The following CSTPP1 variants were observed in gnomAD, a reference collection of about 807,000 sequenced individuals.
CSTPP1 encodes the protein centriolar satellite-associated tubulin polyglutamylase complex regulator 1.
the CSTPP1 span, among the ~76,000 whole-genome samples, chr11:47,150,692 G>A: frequency 1.3e-5 from 2 of 151,936 alleles, no homozygotes; most frequent in African/African-American, 2.4e-5. Flanking sequence ...AGAAGGGACA[G>A]GGAGCATTAT....
the CSTPP1 span, chr11:47,137,474 G>T: frequency 6.7e-7 from 1 of 1,500,954 alleles, no homozygotes; most frequent in Non-Finnish European, 8.8e-7. Context: ...TAGAAATACT[G>T]ATCTTAAAAT....
the CSTPP1 span, among the ~76,000 whole-genome samples, chr11:47,005,736 C>A: frequency 6.6e-6 from 1 of 152,098 alleles, no homozygotes; most frequent in African/African-American, 2.4e-5. Context: ...AGATTGCTTA[C>A]CTCATCTATA....
chr11:47,115,734 C>G, the CSTPP1 span, among the ~76,000 whole-genome samples: 3 of 149,966 alleles, frequency 2.0e-5, no homozygotes, highest in Non-Finnish European at 3.0e-5. Flanking sequence ...AGCGGTCTAT[C>G]AATTTTGTTG....
chr11:47,122,218 G>A, the CSTPP1 span, among the ~76,000 whole-genome samples: 4 of 149,868 alleles, frequency 2.7e-5, no homozygotes, highest in Non-Finnish European at 5.9e-5. Flanking sequence ...ATTTGAAGGG[G>A]TTTATAACCT....
At chr11:47,129,664 A>G in the CSTPP1 span, among the ~76,000 whole-genome samples, 2 of 152,178 alleles carry the variant, frequency 1.3e-5, no homozygotes, top group East Asian at 3.9e-4. Context: ...GGTTTAAGCC[A>G]CCAGTGGTGG....
At chr11:47,158,385 G>A in the CSTPP1 span, among the ~76,000 whole-genome samples, 1 of 151,890 alleles carries the variant, frequency 6.6e-6, no homozygotes, top group Non-Finnish European at 1.5e-5. Context: ...AAAAACAAAA[G>A]TAGGGGAAGT....
chr11:47,074,162 C>T, the CSTPP1 span, among the ~76,000 whole-genome samples: 1 of 152,082 alleles, frequency 6.6e-6, no homozygotes, highest in Admixed American at 6.6e-5. Context: ...TGAGATTGCG[C>T]CACTGCACTC....
At chr11:47,161,572 T>A in the CSTPP1 span, 2 of 1,614,090 alleles carry the variant, frequency 1.2e-6, no homozygotes, top group South Asian at 2.2e-5. Flanking sequence ...GACCTCTCCA[T>A]CATTCCCGAA....
At chr11:47,030,266 C>T in the CSTPP1 span, among the ~76,000 whole-genome samples, 1 of 152,186 alleles carries the variant, frequency 6.6e-6, no homozygotes, top group Non-Finnish European at 1.5e-5. Flanking sequence ...TAGGAAGACT[C>T]AACTGCCATC....
At chr11:47,152,434 A>C in the CSTPP1 span, among the ~76,000 whole-genome samples, 1 of 152,132 alleles carries the variant, frequency 6.6e-6, no homozygotes, top group Admixed American at 6.5e-5. Context: ...CTGAGGCTGG[A>C]AGGGTGTGCC....
chr11:47,091,975 G>C, the CSTPP1 span, among the ~76,000 whole-genome samples: 1 of 152,182 alleles, frequency 6.6e-6, no homozygotes, highest in African/African-American at 2.4e-5. Flanking sequence ...AATTTCTGTT[G>C]TTTTAAGCTA....
chr11:46,976,370 T>A, the CSTPP1 span, among the ~76,000 whole-genome samples: 1 of 149,364 alleles, frequency 6.7e-6, no homozygotes, highest in African/African-American at 2.5e-5. Context: ...ATTGTGATAT[T>A]TTCAGAGTAA....
chr11:47,066,617 A>G, the CSTPP1 span, among the ~76,000 whole-genome samples: 3 of 152,256 alleles, frequency 2.0e-5, no homozygotes, highest in Non-Finnish European at 4.4e-5. Flanking sequence ...ACAAATTTAT[A>G]AAGTAGATGA....
the CSTPP1 span, among the ~76,000 whole-genome samples, chr11:46,960,349 T>C: frequency 6.6e-6 from 1 of 152,176 alleles, no homozygotes; most frequent in Non-Finnish European, 1.5e-5. Flanking sequence ...ACTACCACCA[T>C]GATATAATTG....
chr11:47,130,011 C>A, the CSTPP1 span, among the ~76,000 whole-genome samples: 1 of 152,126 alleles, frequency 6.6e-6, no homozygotes, highest in African/African-American at 2.4e-5. Context: ...ATAATCCCAG[C>A]ACTTTGGGAG....
chr11:47,111,435 G>A, the CSTPP1 span, among the ~76,000 whole-genome samples: 1 of 152,028 alleles, frequency 6.6e-6, no homozygotes, highest in Admixed American at 6.6e-5. Context: ...ATGACTTTGC[G>A]GTTGCATTGA....
At chr11:47,157,857 A>G in the CSTPP1 span, 1 of 1,614,172 alleles carries the variant, frequency 6.2e-7, no homozygotes, top group East Asian at 2.2e-5. Context: ...AGCAATGTTC[A>G]GAGACTGACC....
chr11:47,014,378 A>G, the CSTPP1 span, among the ~76,000 whole-genome samples: 1 of 101,550 alleles, frequency 9.8e-6, no homozygotes, highest in Non-Finnish European at 2.8e-5. Flanking sequence ...AAAAAAAGAA[A>G]GAAAAAGAAA....
the CSTPP1 span, among the ~76,000 whole-genome samples, chr11:47,083,388 A>G: frequency 2.0e-5 from 3 of 152,206 alleles, no homozygotes; most frequent in African/African-American, 7.2e-5. Flanking sequence ...CTTTTTGGCT[A>G]TCATGAATAA....
Sources: allele counts gnomAD v4.1 joint callset (sites outside exome capture counted in the v4.1 genomes callset), GRCh38; gene constraint gnomAD v4.1.1; transcripts MANE v1.5; gene names NCBI Gene and HGNC (gene_info 2026-07-23, HGNC 2026-07-21).